CASK: variants seen among roughly 807,000 people sequenced by gnomAD.
CASK encodes calcium/calmodulin dependent serine protein kinase.
A neutral mutation model predicts 82.9 loss-of-function variants in CASK; 4 were observed. The observed-to-expected ratio is 0.05, with a 90% CI of 0.02 to 0.11. The LOEUF (loss-of-function observed/expected upper bound fraction) is 0.11, where lower values mean the gene tolerates loss of function less well. Ranked by LOEUF, CASK falls within the 10% of genes least tolerant of loss-of-function variation. The pLI, the probability that CASK is intolerant of heterozygous loss-of-function variation, is 1.00. For missense variants in CASK, 358 were observed against 720.9 expected (o/e 0.50, Z 5.76); for synonymous variants, 259 against 253.5 (o/e 1.02, Z -0.20).
intron 21 of CASK, among the ~76,000 whole-genome samples, chrX:41,547,550 G>A (rs1020191149): frequency 9.0e-6 from 1 of 110,701 alleles, no homozygotes; most frequent in Admixed American, 9.6e-5. Context: ...TGTTGCAAGT[G>A]GTGTTATGTA....
intron 3 of CASK, among the ~76,000 whole-genome samples, chrX:41,759,485 G>C (rs966428699): frequency 1.8e-5 from 2 of 111,502 alleles, no homozygotes; most frequent in African/African-American, 3.3e-5. Flanking sequence ...ATGTTTAGTA[G>C]TGCAAATATC....
At chrX:41,685,387 A>C (rs767974375) in intron 5 of CASK, among the ~76,000 whole-genome samples, 4 of 112,660 alleles carry the variant, frequency 3.6e-5, no homozygotes, top group Non-Finnish European at 7.5e-5. Flanking sequence ...AAAAATAAGA[A>C]AATATGTACA....
At chrX:41,884,538 C>CT (rs1407214965) in intron 1 of CASK, among the ~76,000 whole-genome samples, 2 of 112,090 alleles carry the variant, frequency 1.8e-5, no homozygotes, top group African/African-American at 3.2e-5. Context: ...CCATCTGCTT[C>CT]TTTTTTTGCT....
intron 5 of CASK, among the ~76,000 whole-genome samples, chrX:41,717,781 G>T (rs1034995126): frequency 2.7e-5 from 3 of 111,949 alleles, no homozygotes; most frequent in Non-Finnish European, 5.6e-5. Context: ...CTTTTGAGTT[G>T]TACATCCTTT....
intron 2 of CASK, among the ~76,000 whole-genome samples, chrX:41,789,263 A>C (rs1268608827): frequency 8.9e-6 from 1 of 111,962 alleles, no homozygotes; most frequent in Non-Finnish European, 1.9e-5. Context: ...CTGCAAGCTG[A>C]CTGCTAACTT....
At chrX:41,526,928 TG>T (rs1356592791) in intron 25 of CASK, among the ~76,000 whole-genome samples, 3 of 111,525 alleles carry the variant, frequency 2.7e-5, no homozygotes, top group Non-Finnish European at 5.6e-5. Flanking sequence ...TGAAGGTCTT[TG>T]GGCCATACTC....
At chrX:41,825,611 G>A (rs2147914221) in intron 2 of CASK, among the ~76,000 whole-genome samples, 1 of 112,065 alleles carries the variant, frequency 8.9e-6, no homozygotes, top group East Asian at 2.8e-4. Context: ...TCTGCACTCA[G>A]CTCCAAGAAT....
intron 25 of CASK, among the ~76,000 whole-genome samples, chrX:41,529,372 T>C (rs2064763908): frequency 9.0e-6 from 1 of 111,421 alleles, no homozygotes; most frequent in Non-Finnish European, 1.9e-5. Flanking sequence ...CTGGACGCTA[T>C]GGGTGGAGCA....
chrX:41,704,156 A>G (rs961909070), intron 5 of CASK, among the ~76,000 whole-genome samples: 1 of 111,090 alleles, frequency 9.0e-6, no homozygotes, highest in African/African-American at 3.3e-5. Flanking sequence ...TAGTTTGCAA[A>G]TAACTTCTAA....
In CASK at chrX:41,808,858, G is replaced by A. The variant is rs56750459; in HGVS notation, c.173-21575C>T. Among the ~76,000 whole-genome samples the A allele has an allele frequency of 2.6e-3, 293 of 112,465 alleles. No individual in the cohort carries two copies. The East Asian group carries it at 0.036, about 14-fold the overall frequency. ...TGTGACAGATGGCATCTGGAAAATC[G>A]CGTCACTCTCACCCTGATACTGCGC... is the stretch of plus-strand genomic sequence containing the variant. On this transcript the variant is annotated intron_variant, in intron 2 of 26. Coordinates refer to ENST00000378163, the MANE Select transcript of CASK (RefSeq NM_001367721.1).
chrX:41,869,500 A>G (rs1569473358), intron 1 of CASK, among the ~76,000 whole-genome samples: 1 of 110,886 alleles, frequency 9.0e-6, no homozygotes, highest in East Asian at 2.8e-4. Flanking sequence ...AAGACAAAAT[A>G]CATGAGGTAT....
At chrX:41,648,136 T>C (rs1438677281) in intron 8 of CASK, among the ~76,000 whole-genome samples, 1 of 111,434 alleles carries the variant, frequency 9.0e-6, no homozygotes, top group Admixed American at 9.6e-5. Context: ...AGAAAGAGAA[T>C]GCGCACCTAG....
At chrX:41,760,735 T>G (rs2147774096) in intron 3 of CASK, among the ~76,000 whole-genome samples, 1 of 111,458 alleles carries the variant, frequency 9.0e-6, no homozygotes, top group African/African-American at 3.3e-5. Flanking sequence ...TTTCTCTCTC[T>G]TCTACCCAGC....
At chrX:41,859,365 T>C (rs1293276308) in intron 1 of CASK, among the ~76,000 whole-genome samples, 3 of 111,615 alleles carry the variant, frequency 2.7e-5, no homozygotes, top group Non-Finnish European at 1.9e-5. Context: ...TTCGCCTACT[T>C]GGTAAAATTC....
At chrX:41,647,992 T>C (rs1435827000) in intron 8 of CASK, among the ~76,000 whole-genome samples, 1 of 112,276 alleles carries the variant, frequency 8.9e-6, no homozygotes, top group Non-Finnish European at 1.9e-5. Flanking sequence ...ACAGCAATTG[T>C]TCAAGGAATA....
chrX:41,687,174 G>C (rs2067456739), intron 5 of CASK, among the ~76,000 whole-genome samples: 1 of 112,238 alleles, frequency 8.9e-6, no homozygotes, highest in Non-Finnish European at 1.9e-5. Flanking sequence ...TAGATTATAT[G>C]AAATAGAATG....
At chrX:41,735,819 T>C (rs1259862991) in intron 5 of CASK, among the ~76,000 whole-genome samples, 2 of 111,312 alleles carry the variant, frequency 1.8e-5, no homozygotes, top group African/African-American at 3.3e-5. Flanking sequence ...TGCTCAGATA[T>C]CATCATCTCA....
At position 41,572,085 on chromosome X, in the gene CASK, CT is replaced by C. The variant is rs755117126; in HGVS notation, c.1504-2340del. Among the ~76,000 whole-genome samples, 553 of 98,300 alleles carry C rather than the reference CT, an allele frequency of 5.6e-3. 2 individuals carry two copies. Among genetic ancestry groups the C allele is most frequent in the Middle Eastern group, 0.015 (3 of 194 alleles). The allele number at this position is 98,300 out of a possible 115,157, so 85.4% of individuals were successfully genotyped here. A position where few individuals can be genotyped will look rare whatever the true frequency, so the allele number is the denominator to read the frequency against. On this transcript the variant is annotated intron_variant, in intron 15 of 26. Transcript: ENST00000378163. ...CAGTATATCTTTTTCTATCTTCTTACTTTTTTTTTTTTTTTTAAGAGATGAA... is the reference window on the plus strand; with the variant it reads ...CAGTATATCTTTTTCTATCTTCTTACTTTTTTTTTTTTTTTAAGAGATGAA...
rs1300997872 is a variant in CASK at position 41,625,182 on chromosome X, ATTTTTTT to A, written c.1015+1415_1015+1421del. Among the ~76,000 whole-genome samples, 523 of 94,905 alleles carry A rather than the reference ATTTTTTT, an allele frequency of 5.5e-3. 4 individuals are homozygous for A. The highest frequency in any genetic ancestry group is 0.019 in the African/African-American group (498 of 25,780). The allele number at this position is 94,905 out of a possible 115,157, so 82.4% of individuals were successfully genotyped here. On this transcript the variant is annotated intron_variant, in intron 10 of 26. Coordinates refer to ENST00000378163, the MANE Select transcript of CASK (RefSeq NM_001367721.1). ...TGGTTTTTTATTTTTTTATCTCTTA[ATTTTTTT>A]TTTTTTTTTTTTTTGAGACGGAGTC...
Sources: allele counts gnomAD v4.1 joint callset (sites outside exome capture counted in the v4.1 genomes callset), GRCh38; gene constraint gnomAD v4.1.1; transcripts MANE v1.5; gene names NCBI Gene and HGNC (gene_info 2026-07-23, HGNC 2026-07-21).